CHAC1: variants seen among roughly 807,000 people sequenced by gnomAD.
CHAC1 encodes glutathione-specific gamma-glutamylcyclotransferase 1.
A neutral mutation model predicts 22.1 loss-of-function variants in CHAC1; 22 were observed. That is an observed-to-expected ratio of 1.00 (90% confidence interval 0.71 to 1.42). CHAC1 has a LOEUF of 1.42. Ranked by LOEUF, CHAC1 falls within the 40% of genes most tolerant of loss-of-function variation. The pLI is 0.00. For missense variants in CHAC1, 272 were observed against 299.2 expected (o/e 0.91, Z 0.67); for synonymous variants, 145 against 128.7 (o/e 1.13, Z -0.86).
At position 40,953,790 on chromosome 15, in the gene CHAC1, C is replaced by G; in HGVS notation, c.207C>G (p.Thr69=). 6.3e-7 allele frequency: 1 copy of G among 1,595,072 alleles called. No homozygotes were observed. Residue 69 remains threonine (T), a synonymous_variant, in exon 1 of 3, where the codon ACC becomes ACG. Coordinates refer to ENST00000617768, the MANE Select transcript of CHAC1 (RefSeq NM_024111.6). ...GYSRRFWQGD[T]FHRGSDKMPG... ...GCCGCCGTTTCTGGCAGGGAGACAC[C>G]TTCCATCGGGGCAGCGACAAGATGG... is the stretch of plus-strand genomic sequence containing the variant.
In CHAC1 at chr15:40,954,221, T is replaced by C; in HGVS notation, c.232-7T>C. 1.9e-6 allele frequency: 3 copies of C among 1,613,934 alleles called. No homozygotes were observed. The highest frequency in any genetic ancestry group is 2.5e-6 in the Non-Finnish European group (3 of 1,179,924). Reference sequence around the variant, plus strand: ...TGTCTATTTCAAAATATTTCTTCCCTCCCTAGCCTGGCCGTGTGGTGACGC... The same window carrying C: ...TGTCTATTTCAAAATATTTCTTCCCCCCCTAGCCTGGCCGTGTGGTGACGC... On this transcript the variant is annotated splice_region_variant and splice_polypyrimidine_tract_variant and intron_variant, in intron 1 of 2. Transcript: ENST00000617768.
rs1349910149 is a variant in CHAC1, at chr15:40,955,697, C to T, written c.592C>T (p.Leu198=). 3.7e-6 allele frequency: 6 copies of T among 1,608,974 alleles called. No homozygotes were observed. Among genetic ancestry groups the T allele is most frequent in the Admixed American group, 1.7e-5 (1 of 60,028 alleles). Reference sequence around the variant, plus strand: ...TGGGCCTCAGGCGCAGGACGAGCACCTGGCAGCCATCGTGGACGCTGTGGG... The same window carrying T: ...TGGGCCTCAGGCGCAGGACGAGCACTTGGCAGCCATCGTGGACGCTGTGGG... ...LCGPQAQDEH[L]AAIVDAVGTM... Residue 198 remains leucine (L), a synonymous_variant, in exon 3 of 3, where the codon CTG becomes TTG. Coordinates refer to ENST00000617768, the MANE Select transcript of CHAC1 (RefSeq NM_024111.6).
At chr15:40,955,250 TCATCAGCC>T in intron 2 of CHAC1, 115 bp from the exon 3 acceptor site, 1 of 1,016,300 alleles carries the variant, frequency 9.8e-7, no homozygotes, top group Non-Finnish European at 1.5e-6. Flanking sequence ...ACCAGATGGC[TCATCAGCC>T]GACCACAGCC....
chr15:40,953,541 C>G lies in CHAC1; in HGVS notation c.-43C>G, dbSNP rs1384191212. ...GGTCTTTCCGTGCCCACGCCGGAGA[C>G]CAGCCCCGGAGGCCGCCTGGGCCTA... On this transcript the variant is annotated 5_prime_UTR_variant, in exon 1 of 3. Coordinates refer to ENST00000617768, the MANE Select transcript of CHAC1 (RefSeq NM_024111.6). 1 of 1,607,574 alleles carries G rather than the reference C, an allele frequency of 6.2e-7. No individual in the cohort carries two copies. The highest frequency in any genetic ancestry group is 1.7e-4 in the Middle Eastern group (1 of 6,036).
intron 2 of CHAC1, among the ~76,000 whole-genome samples, chr15:40,954,666 C>T (rs1325237566): frequency 6.6e-6 from 1 of 151,998 alleles, no homozygotes; most frequent in Non-Finnish European, 1.5e-5. Context: ...TGCAGTGATG[C>T]AATCTTGGCT....
Position 40,955,746 on chromosome 15 carries a change from C to T in CHAC1, c.641C>T (p.Pro214Leu). Residue 214 changes from proline to leucine, a missense_variant, in exon 3 of 3, where the codon CCC becomes CTC. Physicochemically the swap from Pro to Leu is moderately conservative, Grantham distance 98. Transcript: ENST00000617768. ...AVGTMLPCFC[P>L]TEQALALV is the part of the protein sequence containing the mutation. ...GGCACCATGTTGCCCTGCTTCTGCC[C>T]CACCGAGCAGGCTCTGGCGCTGGTG... The T allele has an allele frequency of 6.3e-7, 1 of 1,599,506 alleles. No homozygotes were observed. The highest frequency in any genetic ancestry group is 8.5e-7 in the Non-Finnish European group (1 of 1,178,438).
chr15:40,954,130 C>G, intron 1 of CHAC1, 98 bp from the exon 2 acceptor site: 5 of 1,327,038 alleles, frequency 3.8e-6, no homozygotes, highest in Non-Finnish European at 5.4e-6. Flanking sequence ...GAGTGGGGCA[C>G]TTGGAGGCCC....
chr15:40,953,827 C>T lies in CHAC1; in HGVS notation c.231+13C>T. 6.3e-7 allele frequency: 1 copy of T among 1,575,828 alleles called. No homozygotes were observed. The highest frequency in any genetic ancestry group is 8.6e-7 in the Non-Finnish European group (1 of 1,165,636). On this transcript the variant is annotated intron_variant, in intron 1 of 2. Coordinates refer to ENST00000617768, the MANE Select transcript of CHAC1 (RefSeq NM_024111.6). ...CAGCGACAAGATGGTGAGCATCCAACCGTGCCCAGGGGAGTGAGGGGGTTG... is the reference window on the plus strand; with the variant it reads ...CAGCGACAAGATGGTGAGCATCCAATCGTGCCCAGGGGAGTGAGGGGGTTG...
rs1444685795 is a variant in CHAC1 at position 40,953,535 on chromosome 15, C to T, written c.-49C>T. On this transcript the variant is annotated 5_prime_UTR_variant, in exon 1 of 3. Transcript: ENST00000617768. The stretch of plus-strand genomic sequence containing the variant: ...TCCGTCGGTCTTTCCGTGCCCACGC[C>T]GGAGACCAGCCCCGGAGGCCGCCTG... The T allele has an allele frequency of 1.2e-6, 2 of 1,606,304 alleles. No homozygotes were observed. Among genetic ancestry groups the T allele is most frequent in the Non-Finnish European group, 1.7e-6 (2 of 1,178,784 alleles).
chr15:40,953,797 C>T lies in CHAC1; in HGVS notation c.214C>T (p.Arg72Trp), dbSNP rs1446912825. 3.8e-6 allele frequency: 6 copies of T among 1,592,674 alleles called. No homozygotes were observed. The highest frequency in any genetic ancestry group is 1.1e-5 in the South Asian group (1 of 90,738). Residue 72 changes from arginine (R) to tryptophan (W), a missense_variant, in exon 1 of 3, where the codon CGG (arginine) becomes TGG (tryptophan). By Grantham distance (101) the Arg-to-Trp change is moderately radical. Transcript: ENST00000617768. Reference sequence around the variant, plus strand: ...TTTCTGGCAGGGAGACACCTTCCATCGGGGCAGCGACAAGATGGTGAGCAT... The same window carrying T: ...TTTCTGGCAGGGAGACACCTTCCATTGGGGCAGCGACAAGATGGTGAGCAT... ...RRFWQGDTFH[R>W]GSDKMPGRVV... is the part of the protein sequence containing the mutation.
In CHAC1 at chr15:40,955,500, A is replaced by T; in HGVS notation, c.395A>T (p.Asp132Val). The change falls in exon 3 of 3, where the codon GAT becomes GTT. Residue 132 changes from aspartate (D) to valine (V), a missense_variant. Asp to Val is a radical substitution (Grantham distance 152). Coordinates refer to ENST00000617768, the MANE Select transcript of CHAC1 (RefSeq NM_024111.6). ...AAGGAGGTCACCTTCTATCCCCAAGATGCTCCTGACCAACCACTGAAGGCA... is the reference window on the plus strand; with the variant it reads ...AAGGAGGTCACCTTCTATCCCCAAGTTGCTCCTGACCAACCACTGAAGGCA... ...DTKEVTFYPQ[D>V]APDQPLKALA... The T allele has an allele frequency of 6.2e-7, 1 of 1,614,142 alleles. No individual in the cohort carries two copies. Among genetic ancestry groups the T allele is most frequent in the Non-Finnish European group, 8.5e-7 (1 of 1,180,010 alleles).
intron 2 of CHAC1, among the ~76,000 whole-genome samples, 193 bp downstream of exon 2, chr15:40,954,456 A>G (rs1293897419): frequency 6.6e-6 from 1 of 152,228 alleles, no homozygotes; most frequent in East Asian, 1.9e-4. Context: ...GTTCAGTAGC[A>G]TGAGAATGGG....
chr15:40,954,148 C>T (rs752623410), intron 1 of CHAC1, 80 bp from the exon 2 acceptor site: 59 of 1,489,150 alleles, frequency 4.0e-5, no homozygotes, highest in Non-Finnish European at 4.9e-5. Flanking sequence ...CCCGGGTCAG[C>T]GGGATTGATA....
At position 40,953,774 on chromosome 15, in the gene CHAC1, TCTGGCAGGGAGACACCTTCCATCGG is replaced by T. The variant is rs760931911; in HGVS notation, c.192_216del (p.Phe64LeufsTer11). 2.5e-6 allele frequency: 4 copies of T among 1,599,022 alleles called. No homozygotes were observed. In the African/African-American group the frequency reaches 5.3e-5, roughly 21 times the overall value. On this transcript the variant is annotated frameshift_variant, in exon 1 of 3. Transcript: ENST00000617768. LOFTEE classifies it high-confidence loss of function. ...TTCGTGCGCGGCTACAGCCGCCGTT[TCTGGCAGGGAGACACCTTCCATCGG>T]GGCAGCGACAAGATGGTGAGCATCC...
At chr15:40,955,341 G>T in intron 2 of CHAC1, 32 bp from the exon 3 acceptor site, 2 of 1,609,626 alleles carry the variant, frequency 1.2e-6, no homozygotes, top group South Asian at 1.1e-5. Flanking sequence ...GAGCTGTCAT[G>T]ACTGACCCCG....
In CHAC1 at chr15:40,956,361, GTT is replaced by G. The variant is rs1893247546; in HGVS notation, c.*590_*591del. The G allele has an allele frequency of 6.5e-6, 1 of 154,860 alleles. No individual in the cohort carries two copies. Among genetic ancestry groups the G allele is most frequent in the Non-Finnish European group, 1.4e-5 (1 of 70,106 alleles). 9.6% of individuals were successfully genotyped at this position (154,860 alleles called of 1,614,324 possible). A position where few individuals can be genotyped will look rare whatever the true frequency, so the allele number is the denominator to read the frequency against. ...GCCTGGGCCTCTTACCCACTTGGTT[GTT>G]TTCTTGTCCCTCTGTCTGTCTGTCT... On this transcript the variant is annotated 3_prime_UTR_variant, in exon 3 of 3. Coordinates refer to ENST00000617768, the MANE Select transcript of CHAC1 (RefSeq NM_024111.6).
At position 40,955,541 on chromosome 15, in the gene CHAC1, A is replaced by C. The variant is rs1181070962; in HGVS notation, c.436A>C (p.Thr146Pro). ...QPLKALAYVA[T>P]PQNPGYLGPA... ...ACTGAAGGCATTGGCCTATGTGGCCACCCCACAGAACCCTGGTTACCTGGG... is the reference window on the plus strand; with the variant it reads ...ACTGAAGGCATTGGCCTATGTGGCCCCCCCACAGAACCCTGGTTACCTGGG... Residue 146 changes from threonine (T) to proline (P), a missense_variant, in exon 3 of 3, where the codon ACC (threonine) becomes CCC (proline). Thr to Pro is a conservative substitution (Grantham distance 38). Coordinates refer to ENST00000617768, the MANE Select transcript of CHAC1 (RefSeq NM_024111.6). 1 of 1,614,076 alleles carries C rather than the reference A, an allele frequency of 6.2e-7. No individual in the cohort carries two copies. The highest frequency in any genetic ancestry group is 1.7e-5 in the Admixed American group (1 of 60,030).
In CHAC1 at chr15:40,955,404, A is replaced by G. The variant is rs1388614665; in HGVS notation, c.299A>G (p.Gln100Arg). The change falls in exon 3 of 3, where the codon CAA (glutamine) becomes CGA (arginine). Residue 100 changes from glutamine (Q) to arginine (R), a missense_variant. By Grantham distance (43) the Gln-to-Arg change is conservative. Transcript: ENST00000617768. ...ACTTGGGGCGTGGCATACCAAGTGC[A>G]AGGGGAGCAGGTAAGCAAGGCCCTG... The part of the protein sequence containing the change: ...GCTWGVAYQV[Q>R]GEQVSKALKY... The G allele has an allele frequency of 6.2e-7, 1 of 1,614,024 alleles. No individual in the cohort carries two copies. Among genetic ancestry groups the G allele is most frequent in the East Asian group, 2.2e-5 (1 of 44,886 alleles).
At position 40,955,833 on chromosome 15, in the gene CHAC1, G is replaced by C; in HGVS notation, c.*59G>C. 1 of 1,492,606 alleles carries C rather than the reference G, an allele frequency of 6.7e-7. No homozygotes were observed. The allele number at this position is 1,492,606 out of a possible 1,614,324, so 92.5% of individuals were successfully genotyped here. A position where few individuals can be genotyped will look rare whatever the true frequency, so the allele number is the denominator to read the frequency against. On this transcript the variant is annotated 3_prime_UTR_variant, in exon 3 of 3. Coordinates refer to ENST00000617768, the MANE Select transcript of CHAC1 (RefSeq NM_024111.6). The stretch of plus-strand genomic sequence containing the variant: ...ACATCAGGGCCAGACACCCACTCCA[G>C]TGCACAAGACAGACTTGCGACCGCT...
Sources: allele counts gnomAD v4.1 joint callset (sites outside exome capture counted in the v4.1 genomes callset), GRCh38; gene constraint gnomAD v4.1.1; transcripts MANE v1.5; gene names NCBI Gene and HGNC (gene_info 2026-07-23, HGNC 2026-07-21).